The following DDX10 variants were observed in gnomAD, a reference collection of about 807,000 sequenced individuals.
DDX10 encodes the protein DEAD-box helicase 10, also known as probable ATP-dependent RNA helicase DDX10.
DDX10 carries 74 observed loss-of-function variants against 104.3 expected under a neutral mutation model. The ratio of observed to expected loss-of-function variants is 0.71; its 90% CI spans 0.59 to 0.86. The LOEUF (loss-of-function observed/expected upper bound fraction) is 0.86, where lower values mean the gene tolerates loss of function less well. DDX10 is among the 40% of genes least tolerant of loss of function. The pLI is 0.00. For missense variants in DDX10, 952 were observed against 1,040.0 expected (o/e 0.92, Z 1.16); for synonymous variants, 351 against 353.4 (o/e 0.99, Z 0.08).
chr11:108,719,104 G>GTTGT lies in DDX10; in HGVS notation c.1411-691_1411-690insGTTT, dbSNP rs1555018022. Reference sequence around the variant, plus strand: ...TTTGTGTAACTCTAGTATGAAGATAGTTTTTTTTTTTTTTTTTTTTAACAG... The same window carrying GTTGT: ...TTTGTGTAACTCTAGTATGAAGATAGTTGTTTTTTTTTTTTTTTTTTTTTAACAG... On this transcript the variant is annotated intron_variant, in intron 11 of 17. Coordinates refer to ENST00000322536, the MANE Select transcript of DDX10 (RefSeq NM_004398.4). Among the ~76,000 whole-genome samples, 3 of 129,530 alleles carry GTTGT rather than the reference G, an allele frequency of 2.3e-5. 1 individual carries two copies. Among genetic ancestry groups the GTTGT allele is most frequent in the African/African-American group, 8.8e-5 (3 of 33,948 alleles). The allele number at this position is 129,530 out of a possible 152,430, so 85.0% of individuals were successfully genotyped here.
intron 16 of DDX10, among the ~76,000 whole-genome samples, chr11:108,872,133 G>A (rs142237488): frequency 2.6e-4 from 40 of 152,256 alleles, no homozygotes; most frequent in African/African-American, 8.7e-4. Flanking sequence ...CTTTTGTTCT[G>A]TATGTTTTTA....
intron 16 of DDX10, among the ~76,000 whole-genome samples, chr11:108,900,069 G>A (rs1032432664): frequency 5.9e-5 from 9 of 151,680 alleles, no homozygotes; most frequent in South Asian, 2.1e-4. Context: ...CTTAAAATGC[G>A]TCACTGCACT....
chr11:108,927,786 C>T (rs778477896), intron 17 of DDX10, among the ~76,000 whole-genome samples: 30 of 152,050 alleles, frequency 2.0e-4, no homozygotes, highest in Non-Finnish European at 3.7e-4. Context: ...TACAGGCGTG[C>T]GCCACCATGC....
intron 13 of DDX10, among the ~76,000 whole-genome samples, chr11:108,821,165 G>A (rs934533979): frequency 3.3e-5 from 5 of 152,280 alleles, no homozygotes; most frequent in South Asian, 2.1e-4. Flanking sequence ...GAAGTATCAC[G>A]AGAAACATCA....
chr11:108,828,157 AT>A (rs1052508344), intron 13 of DDX10, among the ~76,000 whole-genome samples: 1 of 151,494 alleles, frequency 6.6e-6, no homozygotes. Flanking sequence ...TTTGTTTTTA[AT>A]TTTTTTTTAT....
chr11:108,790,376 C>T (rs977500649), intron 13 of DDX10, among the ~76,000 whole-genome samples: 5 of 152,238 alleles, frequency 3.3e-5, no homozygotes, highest in African/African-American at 1.2e-4. Context: ...GGTATTAAAG[C>T]ATACTTTTCA....
At chr11:108,761,953 T>C (rs867907182) in intron 13 of DDX10, among the ~76,000 whole-genome samples, 1 of 152,304 alleles carries the variant, frequency 6.6e-6, no homozygotes, top group East Asian at 1.9e-4. Context: ...AATATAAATA[T>C]GAAAAATCAA....
chr11:108,900,712 C>T (rs1220222903), intron 16 of DDX10, among the ~76,000 whole-genome samples: 1 of 152,116 alleles, frequency 6.6e-6, no homozygotes, highest in East Asian at 1.9e-4. Flanking sequence ...CATACATGCC[C>T]AAGTTTGCCC....
chr11:108,778,791 C>T (rs1199315080), intron 13 of DDX10, among the ~76,000 whole-genome samples: 2 of 152,144 alleles, frequency 1.3e-5, no homozygotes, highest in Non-Finnish European at 2.9e-5. Context: ...TTACAATCTA[C>T]CCATCTGACA....
chr11:108,705,115 C>T lies in DDX10; in HGVS notation c.1224-1624C>T, dbSNP rs142612387. Among the ~76,000 whole-genome samples the T allele has an allele frequency of 1.7e-3, 266 of 152,252 alleles. 2 individuals carry two copies. The highest frequency in any genetic ancestry group is 5.2e-3 in the Admixed American group (80 of 15,296). On this transcript the variant is annotated intron_variant, in intron 9 of 17. Transcript: ENST00000322536. ...ACATTCTGGGGCCTCTAAAAGCAGG[C>T]TCTAATGTACCTTTCTAGCAATCTT...
intron 16 of DDX10, among the ~76,000 whole-genome samples, chr11:108,870,519 T>A (rs1863066619): frequency 6.6e-6 from 1 of 152,190 alleles, no homozygotes; most frequent in South Asian, 2.1e-4. Context: ...GTCTAATTAC[T>A]CCTCAAATGC....
intron 13 of DDX10, among the ~76,000 whole-genome samples, chr11:108,802,159 C>T (rs10749928): frequency 0.53 from 79,799 of 151,780 alleles, 22,033 homozygotes; most frequent in Non-Finnish European, 0.61. Context: ...ATCCAATATG[C>T]ATGGGACCAG....
chr11:108,793,357 T>C lies in DDX10; in HGVS notation c.1966-45089T>C, dbSNP rs201924127. On this transcript the variant is annotated intron_variant, in intron 13 of 17. Transcript: ENST00000322536. ...CCAGATGCAAATCAGCAAATCTCAC[T>C]GTTATCAGTAAACATTACCGACAAG... 5.9e-5 allele frequency among the ~76,000 whole-genome samples: 9 copies of C among 152,328 alleles called. No individual in the cohort carries two copies. In the East Asian group the frequency reaches 1.7e-3, roughly 29 times the overall value.
intron 17 of DDX10, among the ~76,000 whole-genome samples, chr11:108,936,600 T>C (rs1237107872): frequency 1.3e-5 from 2 of 152,158 alleles, no homozygotes; most frequent in Non-Finnish European, 2.9e-5. Context: ...GACTCTCTCT[T>C]TTTGTGTTGG....
At chr11:108,838,341 G>C in intron 13 of DDX10, 105 bp from the exon 14 acceptor site, 1 of 1,216,762 alleles carries the variant, frequency 8.2e-7, no homozygotes, top group Non-Finnish European at 1.1e-6. Context: ...TAGCCAATGA[G>C]TAATAAATGT....
At chr11:108,875,983 A>G (rs1218065930) in intron 16 of DDX10, among the ~76,000 whole-genome samples, 11 of 152,222 alleles carry the variant, frequency 7.2e-5, no homozygotes, top group Non-Finnish European at 1.3e-4. Context: ...ATGTTCTTCC[A>G]GGTTTGCACG....
At chr11:108,871,089 G>A (rs1863075838) in intron 16 of DDX10, among the ~76,000 whole-genome samples, 1 of 152,148 alleles carries the variant, frequency 6.6e-6, no homozygotes, top group Non-Finnish European at 1.5e-5. Flanking sequence ...ATAGATATTA[G>A]CACACATGGA....
chr11:108,872,556 T>A (rs1863096735), intron 16 of DDX10, among the ~76,000 whole-genome samples: 1 of 152,180 alleles, frequency 6.6e-6, no homozygotes, highest in South Asian at 2.1e-4. Context: ...TTAGACAGCT[T>A]TGGTTTGCAA....
At chr11:108,701,383 G>A (rs543653146) in intron 9 of DDX10, among the ~76,000 whole-genome samples, 29 of 152,130 alleles carry the variant, frequency 1.9e-4, no homozygotes, top group African/African-American at 5.8e-4. Context: ...GATACAGGGC[G>A]GGAAAAAGAG....
Sources: gnomAD v4.1 joint callset for allele counts (sites outside exome capture counted in the v4.1 genomes callset) on GRCh38, gnomAD v4.1.1 for gene constraint, MANE v1.5 for transcripts, NCBI Gene and HGNC (gene_info 2026-07-23, HGNC 2026-07-21) for gene names.